The following XKR4 variants were observed in gnomAD, a reference collection of about 807,000 sequenced individuals.
XKR4 encodes the protein XK related 4.
A neutral mutation model predicts 53.9 loss-of-function variants in XKR4; 12 were observed. The ratio of observed to expected loss-of-function variants is 0.22; its 90% CI spans 0.14 to 0.36. XKR4 has a LOEUF of 0.36. XKR4 is among the 10% of genes least tolerant of loss of function. XKR4 has a pLI of 1.00. For synonymous variants in XKR4, 354 were observed against 362.4 expected (o/e 0.98, Z 0.26); for missense variants, 799 against 859.5 (o/e 0.93, Z 0.88).
intron 1 of XKR4, among the ~76,000 whole-genome samples, chr8:55,353,877 G>A (rs566075861): frequency 3.3e-5 from 5 of 152,312 alleles, no homozygotes; most frequent in Admixed American, 6.5e-5. Context: ...TAAAGTGCAC[G>A]ATAGCAAGCT....
chr8:55,327,774 G>C (rs56196051), intron 1 of XKR4, among the ~76,000 whole-genome samples: 15,023 of 152,122 alleles, frequency 0.099, 2,332 homozygotes, highest in African/African-American at 0.33. Flanking sequence ...TGGGTAAAAA[G>C]AAATGTTCTC....
intron 2 of XKR4, among the ~76,000 whole-genome samples, chr8:55,482,663 A>G (rs1806129228): frequency 1.3e-5 from 2 of 152,182 alleles, no homozygotes; most frequent in Non-Finnish European, 2.9e-5. Flanking sequence ...TATATGTTGG[A>G]TTTTGTAAAA....
At chr8:55,382,175 C>A (rs56654907) in intron 2 of XKR4, among the ~76,000 whole-genome samples, 15,136 of 152,162 alleles carry the variant, frequency 0.099, 1,602 homozygotes, top group African/African-American at 0.26. Flanking sequence ...TTTTCTGATG[C>A]TGAGGTTTTA....
chr8:55,131,334 G>C (rs778657769), intron 1 of XKR4, among the ~76,000 whole-genome samples: 1 of 152,160 alleles, frequency 6.6e-6, no homozygotes, highest in Non-Finnish European at 1.5e-5. Context: ...TTTTCCTCCT[G>C]CATTTAAGTT....
At chr8:55,497,175 A>G (rs2622574) in intron 2 of XKR4, among the ~76,000 whole-genome samples, 61,276 of 152,134 alleles carry the variant, frequency 0.4, 13,424 homozygotes, top group African/African-American at 0.57. Flanking sequence ...CCAGATGTCT[A>G]TTTAACAAAC....
intron 2 of XKR4, among the ~76,000 whole-genome samples, chr8:55,455,309 C>T (rs1443586325): frequency 2.0e-5 from 3 of 151,838 alleles, no homozygotes; most frequent in African/African-American, 7.2e-5. Flanking sequence ...TCTTCTCAGC[C>T]AGCTGGCCCG....
At chr8:55,451,752 G>A (rs571156789) in intron 2 of XKR4, 109 of 1,143,682 alleles carry the variant, frequency 9.5e-5, no homozygotes, top group Non-Finnish European at 1.2e-4. Context: ...ACTTGGCCCG[G>A]CTCAGGCGGC....
At chr8:55,205,716 A>T (rs1300979213) in intron 1 of XKR4, among the ~76,000 whole-genome samples, 1 of 152,232 alleles carries the variant, frequency 6.6e-6, no homozygotes. Flanking sequence ...TAGATGTGGG[A>T]ATTCAAGTAA....
At chr8:55,312,135 A>AT (rs1344873993) in intron 1 of XKR4, among the ~76,000 whole-genome samples, 6 of 151,216 alleles carry the variant, frequency 4.0e-5, no homozygotes, top group African/African-American at 1.5e-4. Context: ...CTGTTCTGTG[A>AT]TTTTTAGATG....
chr8:55,204,203 G>A (rs1022428336), intron 1 of XKR4, among the ~76,000 whole-genome samples: 3 of 151,830 alleles, frequency 2.0e-5, no homozygotes, highest in African/African-American at 4.8e-5. Context: ...GACAGTTCTC[G>A]CAACGTTGCC....
chr8:55,524,057 A>G lies in XKR4; in HGVS notation c.1783A>G (p.Ile595Val). Residue 595 changes from isoleucine to valine, a missense_variant, in exon 3 of 3, where the codon ATT (isoleucine) becomes GTT (valine). Around this residue, in one of 3 missense-constraint regions of XKR4, gnomAD observed 269 missense variants for 264.4 expected, o/e 1.02. Transcript: ENST00000327381. Reference protein sequence around the residue: ...SRPPRIEESVIKIDLFRNRYP... With the variant: ...SRPPRIEESVVKIDLFRNRYP... ...CCCACCACGGATTGAAGAATCAGTC[A>G]TTAAAATTGACTTGTTCAGGAATAG... is the stretch of plus-strand genomic sequence containing the variant. The G allele has an allele frequency of 1.2e-6, 2 of 1,614,228 alleles. No homozygotes were observed. Among genetic ancestry groups the G allele is most frequent in the Non-Finnish European group, 1.7e-6 (2 of 1,180,042 alleles).
intron 2 of XKR4, among the ~76,000 whole-genome samples, chr8:55,408,540 C>T (rs991197560): frequency 3.3e-5 from 5 of 152,194 alleles, no homozygotes; most frequent in African/African-American, 1.2e-4. Flanking sequence ...GGAACAGACA[C>T]AACCCAGAGG....
chr8:55,514,487 C>A (rs916764416), intron 2 of XKR4, among the ~76,000 whole-genome samples: 6 of 152,044 alleles, frequency 3.9e-5, no homozygotes, highest in Non-Finnish European at 7.4e-5. Context: ...GAACTCCTGA[C>A]CTCAAGTGAT....
intron 2 of XKR4, among the ~76,000 whole-genome samples, chr8:55,385,268 T>C (rs1370954888): frequency 1.3e-5 from 2 of 152,160 alleles, no homozygotes; most frequent in Non-Finnish European, 2.9e-5. Flanking sequence ...ATACCACCTA[T>C]GCAAAGGCTG....
intron 2 of XKR4, among the ~76,000 whole-genome samples, chr8:55,501,359 A>G (rs1806432609): frequency 1.3e-5 from 2 of 152,232 alleles, no homozygotes; most frequent in Admixed American, 1.3e-4. Flanking sequence ...GGCATTGAGT[A>G]CATTCACACT....
Position 55,541,176 on chromosome 8 carries a change from T to C in XKR4, c.*16949T>C, listed in dbSNP as rs1049292081. On this transcript the variant is annotated 3_prime_UTR_variant, in exon 3 of 3. Coordinates refer to ENST00000327381, the MANE Select transcript of XKR4 (RefSeq NM_052898.2). The stretch of plus-strand genomic sequence containing the variant: ...TGCACTTTGTAATCAATAAGTCTTT[T>C]GTTTAACATTTCAAAAGGATATTTG... 2.0e-5 allele frequency: 3 copies of C among 152,218 alleles called. No homozygotes were observed. Among genetic ancestry groups the C allele is most frequent in the African/African-American group, 7.2e-5 (3 of 41,468 alleles). The allele number at this position is 152,218 out of a possible 1,614,324, so 9.4% of individuals were successfully genotyped here.
chr8:55,125,956 G>T (rs995125275), intron 1 of XKR4, among the ~76,000 whole-genome samples: 1 of 152,108 alleles, frequency 6.6e-6, no homozygotes, highest in African/African-American at 2.4e-5. Context: ...CTTGAATTGG[G>T]CCCTGTTTGT....
intron 1 of XKR4, among the ~76,000 whole-genome samples, chr8:55,329,939 C>T (rs759514285): frequency 5.3e-5 from 8 of 152,136 alleles, no homozygotes; most frequent in Non-Finnish European, 7.4e-5. Flanking sequence ...TTAATCTCTC[C>T]AAGCTTCAGG....
intron 2 of XKR4, among the ~76,000 whole-genome samples, chr8:55,460,611 T>A (rs542485879): frequency 6.6e-6 from 1 of 152,140 alleles, no homozygotes; most frequent in Non-Finnish European, 1.5e-5. Flanking sequence ...TTCATCTCAC[T>A]AGGGAGTGCC....
Sources: allele counts gnomAD v4.1 joint callset (sites outside exome capture counted in the v4.1 genomes callset), GRCh38; gene constraint gnomAD v4.1.1; regional missense constraint gnomAD v4.1.1; transcripts MANE v1.5; gene names NCBI Gene and HGNC (gene_info 2026-07-23, HGNC 2026-07-21).